Variants in PLAA observed in about 807,000 individuals in gnomAD.
PLAA encodes the protein phospholipase A2 activating protein, also known as phospholipase A-2-activating protein.
A neutral mutation model predicts 84.1 loss-of-function variants in PLAA; 48 were observed. The observed-to-expected ratio is 0.57, with a 90% CI of 0.45 to 0.73. The LOEUF (loss-of-function observed/expected upper bound fraction) is 0.73, where lower values mean the gene tolerates loss of function less well. PLAA is among the 30% of genes least tolerant of loss of function. The pLI is 0.00. For missense variants in PLAA, 903 were observed against 954.7 expected (o/e 0.95, Z 0.71); for synonymous variants, 392 against 336.6 (o/e 1.16, Z -1.80).
intron 11 of PLAA, 128 bp downstream of exon 11, chr9:26,913,751 T>C: frequency 1.7e-6 from 1 of 605,008 alleles, no homozygotes; most frequent in Non-Finnish European, 2.9e-6. Context: ...CCAGACAAGT[T>C]TGGTCTCGAT....
chr9:26,916,227 T>A, intron 10 of PLAA: 2 of 985,306 alleles, frequency 2.0e-6, no homozygotes, highest in Non-Finnish European at 2.4e-6. Flanking sequence ...TTTTTATAGC[T>A]CACAGTACCA....
In PLAA at chr9:26,910,821, T is replaced by C. The variant is rs578242788; in HGVS notation, c.1556-382A>G. Among the ~76,000 whole-genome samples, 11 of 151,974 alleles carry C rather than the reference T, an allele frequency of 7.2e-5. No homozygotes were observed. The East Asian group carries it at 2.1e-3, about 29-fold the overall frequency. ...TACAGGTGTGAGCCACCGAGCCTGG[T>C]CTAAGATTAAATCTAAATTATAAAT... On this transcript the variant is annotated intron_variant, in intron 11 of 13. Coordinates refer to ENST00000397292, the MANE Select transcript of PLAA (RefSeq NM_001031689.3).
chr9:26,908,624 C>G (rs537773151), intron 12 of PLAA, among the ~76,000 whole-genome samples: 1 of 151,986 alleles, frequency 6.6e-6, no homozygotes, highest in Non-Finnish European at 1.5e-5. Context: ...CACCACCACA[C>G]CAGCTAATTT....
At chr9:26,919,085 C>T in intron 9 of PLAA, 1 of 384,998 alleles carries the variant, frequency 2.6e-6, no homozygotes, top group East Asian at 3.9e-5. Flanking sequence ...ACTGAAATTC[C>T]ATTATAGTAT....
chr9:26,924,476 T>C (rs1824878394), intron 6 of PLAA, among the ~76,000 whole-genome samples: 1 of 152,176 alleles, frequency 6.6e-6, no homozygotes, highest in Non-Finnish European at 1.5e-5. Flanking sequence ...TAGAGTAGTC[T>C]ATGATCCTTC....
chr9:26,906,007 CAGA>C lies in PLAA; in HGVS notation c.1889_1891del (p.Phe630del). The C allele has an allele frequency of 6.2e-7, 1 of 1,613,178 alleles. No homozygotes were observed. Among genetic ancestry groups the C allele is most frequent in the Non-Finnish European group, 8.5e-7 (1 of 1,179,462 alleles). On this transcript the variant is annotated inframe_deletion, in exon 14 of 14. Coordinates refer to ENST00000397292, the MANE Select transcript of PLAA (RefSeq NM_001031689.3). Reference sequence around the variant, plus strand: ...GAACTGAGCCCCTTCCTTTTCATTGCAGAAGTTCTCATTCACACTGGGGTGTTT... The same window carrying C: ...GAACTGAGCCCCTTCCTTTTCATTGCAGTTCTCATTCACACTGGGGTGTTT...
In PLAA at chr9:26,905,452, GT is replaced by G; in HGVS notation, c.*58del. Reference sequence around the variant, plus strand: ...TTTTTAATTATCTGTTATCAGTCATGTCAAATGTGAGGAAAAAAACACTAAT... The same window carrying G: ...TTTTTAATTATCTGTTATCAGTCATGCAAATGTGAGGAAAAAAACACTAAT... On this transcript the variant is annotated 3_prime_UTR_variant, in exon 14 of 14. Transcript: ENST00000397292. 1 of 1,223,674 alleles carries G rather than the reference GT, an allele frequency of 8.2e-7. No homozygotes were observed. The highest frequency in any genetic ancestry group is 1.2e-6 in the Non-Finnish European group (1 of 861,676). 75.8% of individuals were successfully genotyped at this position (1,223,674 alleles called of 1,614,324 possible).
intron 2 of PLAA, among the ~76,000 whole-genome samples, chr9:26,933,235 T>TC (rs1825242126): frequency 6.7e-6 from 1 of 149,510 alleles, no homozygotes; most frequent in African/African-American, 2.5e-5. Context: ...GCCACTGCAC[T>TC]CCAGCCTGGT....
At position 26,918,096 on chromosome 9, in the gene PLAA, TTGA is replaced by T. The variant is rs565318239; in HGVS notation, c.1418-934_1418-932del. Among the ~76,000 whole-genome samples, 121 of 152,036 alleles carry T rather than the reference TTGA, an allele frequency of 8.0e-4. 1 individual carries two copies. The highest frequency in any genetic ancestry group is 1.4e-3 in the Admixed American group (22 of 15,270). ...ATCTGTAATTCAGTAGTAAGTTACT[TTGA>T]TAATTTTTTTTAAAATTTTTTGATT... On this transcript the variant is annotated intron_variant, in intron 9 of 13. Coordinates refer to ENST00000397292, the MANE Select transcript of PLAA (RefSeq NM_001031689.3).
intron 1 of PLAA, among the ~76,000 whole-genome samples, chr9:26,940,976 A>T (rs2131425072): frequency 1.3e-5 from 2 of 152,218 alleles, no homozygotes; most frequent in East Asian, 3.9e-4. Context: ...ACTATGTGTA[A>T]CCCTTAACAC....
chr9:26,907,989 T>G lies in PLAA; in HGVS notation c.1667A>C (p.Lys556Thr). The change falls in exon 13 of 14, where the codon AAG becomes ACG. Residue 556 changes from lysine (K) to threonine (T), a missense_variant. Coordinates refer to ENST00000397292, the MANE Select transcript of PLAA (RefSeq NM_001031689.3). ...ANPTQILGKLKELNGTAPEEK... is the reference protein window; with the variant it reads ...ANPTQILGKLTELNGTAPEEK... ...TTCAGGTGCAGTTCCATTAAGTTCC[T>G]TCAGTTTACCTAGAACCCAAAACCA... 1.3e-6 allele frequency: 2 copies of G among 1,584,458 alleles called. No individual in the cohort carries two copies. The highest frequency in any genetic ancestry group is 1.7e-6 in the Non-Finnish European group (2 of 1,171,124).
chr9:26,932,766 T>A (rs185957196), intron 2 of PLAA, among the ~76,000 whole-genome samples: 112 of 152,336 alleles, frequency 7.4e-4, no homozygotes, highest in African/African-American at 2.6e-3. Context: ...TATAAAATTT[T>A]AAAAATCTGT....
intron 2 of PLAA, among the ~76,000 whole-genome samples, chr9:26,932,944 G>A (rs1196123747): frequency 6.6e-6 from 1 of 152,022 alleles, no homozygotes; most frequent in Non-Finnish European, 1.5e-5. Flanking sequence ...AGACCAGCCT[G>A]GCCAACATGG....
intron 10 of PLAA, 80 bp downstream of exon 10, chr9:26,917,017 T>C (rs930395456): frequency 3.5e-6 from 4 of 1,132,858 alleles, no homozygotes; most frequent in South Asian, 1.3e-5. Flanking sequence ...CTGGATGACA[T>C]CTCCAAGATG....
Position 26,923,163 on chromosome 9 carries a change from CAAT to C in PLAA, c.1039+12_1039+14del. On this transcript the variant is annotated intron_variant, in intron 7 of 13. Coordinates refer to ENST00000397292, the MANE Select transcript of PLAA (RefSeq NM_001031689.3). ...TATGGTGAATTTTTTCTACTAGGTA[CAAT>C]AAAATACTTACCAGGTTCATTAAGA... 6.5e-7 allele frequency: 1 copy of C among 1,544,930 alleles called. No individual in the cohort carries two copies. The highest frequency in any genetic ancestry group is 1.2e-5 in the South Asian group (1 of 82,386).
At chr9:26,925,442 T>C (rs1824912950) in intron 6 of PLAA, among the ~76,000 whole-genome samples, 1 of 152,230 alleles carries the variant, frequency 6.6e-6, no homozygotes, top group South Asian at 2.1e-4. Flanking sequence ...ACTTATACTC[T>C]TAGCTTTGAC....
At chr9:26,915,366 T>G (rs1287780616) in intron 10 of PLAA, among the ~76,000 whole-genome samples, 1 of 152,156 alleles carries the variant, frequency 6.6e-6, no homozygotes, top group African/African-American at 2.4e-5. Context: ...CTGGGATAAG[T>G]AATTTAAACA....
chr9:26,943,276 T>G (rs1024909948), intron 1 of PLAA, among the ~76,000 whole-genome samples: 17 of 152,158 alleles, frequency 1.1e-4, no homozygotes, highest in African/African-American at 4.1e-4. Context: ...GTCCAAAGAC[T>G]TTCTGGGTTT....
chr9:26,910,506 A>G (rs1346679910), intron 11 of PLAA, 67 bp from the exon 12 acceptor site: 5 of 1,221,156 alleles, frequency 4.1e-6, no homozygotes, highest in Non-Finnish European at 6.0e-6. Context: ...TTCTAACTAT[A>G]TGACTTAGTT....
Sources: allele counts gnomAD v4.1 joint callset (sites outside exome capture counted in the v4.1 genomes callset), GRCh38; gene constraint gnomAD v4.1.1; transcripts MANE v1.5; gene names NCBI Gene and HGNC (gene_info 2026-07-23, HGNC 2026-07-21).